Variants in KIF13B observed in about 807,000 individuals in gnomAD.
KIF13B encodes kinesin-like protein KIF13B.
KIF13B carries 127 observed loss-of-function variants against 222.0 expected under a neutral mutation model. The ratio of observed to expected loss-of-function variants is 0.57; its 90% CI spans 0.50 to 0.66. The LOEUF is 0.66. KIF13B is among the 30% of genes least tolerant of loss of function. The pLI, the probability that KIF13B is intolerant of heterozygous loss-of-function variation, is 0.00. For synonymous variants in KIF13B, 976 were observed against 919.0 expected, an observed-to-expected ratio of 1.06 and a Z score of -1.12; for missense variants, 2,173 against 2,379.0, an observed-to-expected ratio of 0.91 and a Z score of 1.80.
chr8:29,158,607 T>C (rs1811638300), intron 13 of KIF13B, among the ~76,000 whole-genome samples: 1 of 152,228 alleles, frequency 6.6e-6, no homozygotes. Context: ...CTAAATTGAC[T>C]TTTGAATTGG....
At chr8:29,199,504 G>T (rs919442506) in intron 2 of KIF13B, among the ~76,000 whole-genome samples, 1 of 148,350 alleles carries the variant, frequency 6.7e-6, no homozygotes, top group East Asian at 2.0e-4. Context: ...CATTTTGAGC[G>T]CCAACATGAT....
At chr8:29,174,913 C>T (rs2130234127) in intron 10 of KIF13B, among the ~76,000 whole-genome samples, 1 of 152,282 alleles carries the variant, frequency 6.6e-6, no homozygotes, top group East Asian at 1.9e-4. Context: ...ACCCCTACTT[C>T]ATTTCACAAA....
At chr8:29,142,491 C>T (rs1269071582) in intron 18 of KIF13B, among the ~76,000 whole-genome samples, 188 bp from the exon 19 acceptor site, 4 of 152,178 alleles carry the variant, frequency 2.6e-5, no homozygotes, top group Non-Finnish European at 4.4e-5. Flanking sequence ...TACCCAAGTG[C>T]AATCAAAACC....
intron 2 of KIF13B, among the ~76,000 whole-genome samples, chr8:29,207,435 G>A (rs1418674511): frequency 3.3e-5 from 5 of 152,250 alleles, no homozygotes; most frequent in South Asian, 2.1e-4. Context: ...GCTCCCTGAG[G>A]ACACAGAAGG....
intron 14 of KIF13B, among the ~76,000 whole-genome samples, chr8:29,153,631 TTTACA>T (rs1445328022): frequency 6.6e-6 from 1 of 151,984 alleles, no homozygotes; most frequent in Non-Finnish European, 1.5e-5. Flanking sequence ...TTTTTTTAAC[TTTACA>T]TTAAAGGCTC....
At chr8:29,103,482 C>T (rs1457406680) in intron 35 of KIF13B, among the ~76,000 whole-genome samples, 9 of 151,940 alleles carry the variant, frequency 5.9e-5, no homozygotes, top group Non-Finnish European at 1.2e-4. Context: ...ATGAAACACA[C>T]GATAGCAATA....
intron 1 of KIF13B, among the ~76,000 whole-genome samples, 193 bp downstream of exon 1, chr8:29,262,787 G>T (rs1349915109): frequency 1.3e-5 from 2 of 151,392 alleles, no homozygotes; most frequent in South Asian, 2.1e-4. Context: ...GGCTGGCCAG[G>T]GGGGAAGGGA....
intron 36 of KIF13B, among the ~76,000 whole-genome samples, chr8:29,098,278 A>G (rs938681340): frequency 1.3e-5 from 2 of 151,576 alleles, no homozygotes; most frequent in African/African-American, 4.9e-5. Flanking sequence ...AGGTGACTCA[A>G]AAGGAGACAC....
intron 1 of KIF13B, among the ~76,000 whole-genome samples, chr8:29,259,529 C>T (rs1816606248): frequency 6.6e-6 from 1 of 152,174 alleles, no homozygotes; most frequent in African/African-American, 2.4e-5. Context: ...GCATTAAGAT[C>T]TCATCCTATC....
At chr8:29,163,110 T>G (rs1811853304) in intron 12 of KIF13B, among the ~76,000 whole-genome samples, 1 of 152,150 alleles carries the variant, frequency 6.6e-6, no homozygotes, top group South Asian at 2.1e-4. Context: ...ACATAAAAGA[T>G]AAAAATAAGG....
intron 21 of KIF13B, among the ~76,000 whole-genome samples, chr8:29,136,867 T>C (rs767304349): frequency 1.0e-4 from 15 of 149,664 alleles, no homozygotes; most frequent in Non-Finnish European, 2.1e-4. Context: ...TGGTTCGATC[T>C]TGGCTCACTG....
At chr8:29,146,073 G>C in intron 18 of KIF13B, 1 of 557,398 alleles carries the variant, frequency 1.8e-6, no homozygotes, top group Non-Finnish European at 3.2e-6. Flanking sequence ...AAAGACATTC[G>C]GGGAAGATTA....
Position 29,069,771 on chromosome 8 carries a change from G to A in KIF13B, c.*733C>T, listed in dbSNP as rs1246152640. ...ATAAATATAAATAAATACATTCCAA[G>A]CCTTCTGTGAAGGGAATAAACGGCA... On this transcript the variant is annotated 3_prime_UTR_variant, in exon 40 of 40. Coordinates refer to ENST00000524189, the MANE Select transcript of KIF13B (RefSeq NM_015254.4). 16 of 152,216 alleles carry A rather than the reference G, an allele frequency of 1.1e-4. No homozygotes were observed. Among genetic ancestry groups the A allele is most frequent in the Admixed American group, 1.0e-3 (16 of 15,278 alleles). The allele number at this position is 152,216 out of a possible 1,614,324, so 9.4% of individuals were successfully genotyped here.
chr8:29,241,158 C>A lies in KIF13B; in HGVS notation c.149+4188G>T, dbSNP rs531797020. Among the ~76,000 whole-genome samples, 13 of 152,228 alleles carry A rather than the reference C, an allele frequency of 8.5e-5. No individual in the cohort carries two copies. The South Asian group carries it at 2.7e-3, about 32-fold the overall frequency. On this transcript the variant is annotated intron_variant, in intron 2 of 39. Coordinates refer to ENST00000524189, the MANE Select transcript of KIF13B (RefSeq NM_015254.4). Reference sequence around the variant, plus strand: ...GATAAATGCTACGAAGTGGATAAACCTCAAGAACCTGATGCTAAGAAGCCA... The same window carrying A: ...GATAAATGCTACGAAGTGGATAAACATCAAGAACCTGATGCTAAGAAGCCA...
At chr8:29,230,872 T>A (rs947457825) in intron 2 of KIF13B, among the ~76,000 whole-genome samples, 2 of 152,028 alleles carry the variant, frequency 1.3e-5, no homozygotes, top group African/African-American at 4.8e-5. Flanking sequence ...TGACCTAATA[T>A]TTTGTTTTTT....
chr8:29,155,474 A>G (rs1811478642), intron 14 of KIF13B, among the ~76,000 whole-genome samples: 1 of 152,160 alleles, frequency 6.6e-6, no homozygotes, highest in South Asian at 2.1e-4. Context: ...GTGAACCAGG[A>G]GGCAGCTCGT....
chr8:29,133,956 T>C (rs989187701), intron 22 of KIF13B, 84 bp downstream of exon 22: 2 of 1,319,480 alleles, frequency 1.5e-6, no homozygotes, highest in African/African-American at 1.5e-5. Context: ...AACGGCACAT[T>C]TAGTCAAAGA....
chr8:29,070,650 TGCTGCGCCGCCGCACA>T lies in KIF13B; in HGVS notation c.5319_5334del (p.Val1774GlnfsTer26). 1 of 1,564,794 alleles carries T rather than the reference TGCTGCGCCGCCGCACA, an allele frequency of 6.4e-7. No homozygotes were observed. The highest frequency in any genetic ancestry group is 8.7e-7 in the Non-Finnish European group (1 of 1,154,768). ...TCGGGGGCACCCAGCCGGAGTCCTGTGCTGCGCCGCCGCACAGGGCCCGTGGCCCTGCGGACCCGGC... is the reference window on the plus strand; with the variant it reads ...TCGGGGGCACCCAGCCGGAGTCCTGTGGGCCCGTGGCCCTGCGGACCCGGC... On this transcript the variant is annotated frameshift_variant, in exon 40 of 40. Transcript: ENST00000524189. LOFTEE classifies it high-confidence loss of function. This position sits in a 1 kb window ranked among gnomAD's most constrained non-coding sequence, Gnocchi z 4.1.
At chr8:29,100,755 T>G (rs775544785) in intron 35 of KIF13B, among the ~76,000 whole-genome samples, 1 of 152,176 alleles carries the variant, frequency 6.6e-6, no homozygotes, top group Non-Finnish European at 1.5e-5. Context: ...TGGCAAGTTT[T>G]CTTTACTAAT....
Sources: gnomAD v4.1 joint callset for allele counts (sites outside exome capture counted in the v4.1 genomes callset) on GRCh38, gnomAD v4.1.1 for gene constraint, Gnocchi (gnomAD v3.1) non-coding constraint, MANE v1.5 for transcripts, NCBI Gene and HGNC (gene_info 2026-07-23, HGNC 2026-07-21) for gene names.